The following ELAVL2 variants were observed in gnomAD, a reference collection of about 807,000 sequenced individuals.
ELAVL2 encodes ELAV like RNA binding protein 2.
In ELAVL2, 4 loss-of-function variants were observed where a neutral mutation model predicts 34.6. The observed-to-expected ratio is 0.12, with a 90% CI of 0.06 to 0.26. The LOEUF is 0.26. Ranked by LOEUF, ELAVL2 falls within the 10% of genes least tolerant of loss-of-function variation. The pLI, the probability that ELAVL2 is intolerant of heterozygous loss-of-function variation, is 1.00. For synonymous variants in ELAVL2, 193 were observed against 154.8 expected (o/e 1.25, Z -1.83); for missense variants, 432 against 442.8 (o/e 0.98, Z 0.22).
At chr9:23,815,483 C>T (rs1024117897) in intron 1 of ELAVL2, among the ~76,000 whole-genome samples, 1 of 152,018 alleles carries the variant, frequency 6.6e-6, no homozygotes, top group Non-Finnish European at 1.5e-5. Context: ...AAAACAAAAT[C>T]ACTAAAAATG....
At chr9:23,807,461 A>C (rs1334167565) in intron 1 of ELAVL2, among the ~76,000 whole-genome samples, 3 of 152,198 alleles carry the variant, frequency 2.0e-5, no homozygotes, top group Admixed American at 2.0e-4. Flanking sequence ...TTTTTTAAAA[A>C]GTATTTTTCG....
At chr9:23,824,135 C>G (rs1044009902) in intron 1 of ELAVL2, among the ~76,000 whole-genome samples, 1 of 152,170 alleles carries the variant, frequency 6.6e-6, no homozygotes, top group African/African-American at 2.4e-5. Context: ...ATAATAAAAC[C>G]AGACCTGCAG....
chr9:23,812,441 T>C (rs936055454), intron 1 of ELAVL2, among the ~76,000 whole-genome samples: 3 of 152,228 alleles, frequency 2.0e-5, no homozygotes, highest in African/African-American at 7.2e-5. Context: ...TCCACGGGAA[T>C]GACTCCCAAT....
chr9:23,697,018 C>G (rs1322379794), intron 5 of ELAVL2, among the ~76,000 whole-genome samples: 1 of 151,992 alleles, frequency 6.6e-6, no homozygotes, highest in African/African-American at 2.4e-5. Flanking sequence ...TGTGTATCAC[C>G]TGCCTCCCTG....
In ELAVL2 at chr9:23,762,043, T is replaced by C; in HGVS notation, c.192A>G (p.Glu64=). Residue 64 remains glutamate, a synonymous_variant, in exon 2 of 7, where the codon GAA becomes GAG. Coordinates refer to ENST00000397312, the MANE Select transcript of ELAVL2 (RefSeq NM_004432.5). ...CTCTTACAAGCTTACAGGACTCTAT[T>C]TCACCAATGCTCCCAAAGAGACTCT... is the stretch of plus-strand genomic sequence containing the variant. ...ELKSLFGSIG[E]IESCKLVRDK... 6.2e-7 allele frequency: 1 copy of C among 1,613,196 alleles called. No homozygotes were observed. The highest frequency in any genetic ancestry group is 8.5e-7 in the Non-Finnish European group (1 of 1,179,442).
At chr9:23,786,300 T>C (rs1018773291) in intron 1 of ELAVL2, among the ~76,000 whole-genome samples, 6 of 152,244 alleles carry the variant, frequency 3.9e-5, no homozygotes, top group East Asian at 1.9e-4. Context: ...GCAACAAAGA[T>C]CTAATTTATA....
chr9:23,771,468 A>T (rs949578237), intron 1 of ELAVL2, among the ~76,000 whole-genome samples: 2 of 151,896 alleles, frequency 1.3e-5, no homozygotes, highest in South Asian at 2.1e-4. Context: ...AACATACAAA[A>T]ATTTTGACTT....
At chr9:23,825,511 T>C (rs2065245292) in intron 1 of ELAVL2, among the ~76,000 whole-genome samples, 1 of 152,124 alleles carries the variant, frequency 6.6e-6, no homozygotes. Context: ...GAACTTCCGA[T>C]CTCAATCTTG....
chr9:23,786,935 T>C (rs2059764438), intron 1 of ELAVL2, among the ~76,000 whole-genome samples: 1 of 152,178 alleles, frequency 6.6e-6, no homozygotes, highest in Non-Finnish European at 1.5e-5. Flanking sequence ...TTGGAAGTTT[T>C]TCATGTCCAA....
chr9:23,734,258 G>C (rs962808768), intron 2 of ELAVL2, among the ~76,000 whole-genome samples: 5 of 152,056 alleles, frequency 3.3e-5, no homozygotes, highest in Admixed American at 3.3e-4. Flanking sequence ...ATATATTAAG[G>C]GTATCGCAGA....
intron 3 of ELAVL2, among the ~76,000 whole-genome samples, chr9:23,726,021 AT>A (rs1211158699): frequency 2.6e-5 from 4 of 152,112 alleles, no homozygotes; most frequent in African/African-American, 7.2e-5. Flanking sequence ...ACAGAGTAAG[AT>A]TTCAGAAATG....
chr9:23,763,848 T>G (rs2055613785), intron 1 of ELAVL2, among the ~76,000 whole-genome samples: 1 of 152,136 alleles, frequency 6.6e-6, no homozygotes, highest in Non-Finnish European at 1.5e-5. Flanking sequence ...TTCATTTCCT[T>G]GTCAAAGAAG....
At chr9:23,818,488 C>T (rs1383981846) in intron 1 of ELAVL2, among the ~76,000 whole-genome samples, 1 of 152,160 alleles carries the variant, frequency 6.6e-6, no homozygotes, top group Admixed American at 6.5e-5. Context: ...TAACCTCCCC[C>T]CACACACACT....
intron 2 of ELAVL2, among the ~76,000 whole-genome samples, chr9:23,742,216 T>C (rs951269952): frequency 6.6e-6 from 1 of 152,188 alleles, no homozygotes; most frequent in African/African-American, 2.4e-5. Flanking sequence ...AGGCAGGGCT[T>C]ACGATTTTCT....
At chr9:23,714,304 T>C (rs2041763252) in intron 3 of ELAVL2, among the ~76,000 whole-genome samples, 1 of 152,182 alleles carries the variant, frequency 6.6e-6, no homozygotes, top group South Asian at 2.1e-4. Flanking sequence ...ACAAGAACAA[T>C]GTATGCACTC....
chr9:23,704,830 A>G (rs2038770025), intron 4 of ELAVL2, 88 bp downstream of exon 4: 2 of 1,539,764 alleles, frequency 1.3e-6, no homozygotes, highest in African/African-American at 1.4e-5. Context: ...ATGTTCTAGA[A>G]GCAAGACTGC....
intron 1 of ELAVL2, among the ~76,000 whole-genome samples, chr9:23,824,013 G>A (rs1588874009): frequency 6.6e-6 from 1 of 152,256 alleles, no homozygotes; most frequent in East Asian, 1.9e-4. Flanking sequence ...TACATGAGAG[G>A]GGGAAGGGAC....
intron 1 of ELAVL2, among the ~76,000 whole-genome samples, chr9:23,776,223 C>G (rs957977128): frequency 2.0e-5 from 3 of 152,298 alleles, no homozygotes; most frequent in Non-Finnish European, 2.9e-5. Context: ...ACACACACAT[C>G]TCTTTCCGCA....
At chr9:23,799,811 C>G (rs2061374487) in intron 1 of ELAVL2, among the ~76,000 whole-genome samples, 1 of 152,104 alleles carries the variant, frequency 6.6e-6, no homozygotes. Context: ...ATTAGAAAAC[C>G]CTGAAAGGGC....
Sources: allele counts gnomAD v4.1 joint callset (sites outside exome capture counted in the v4.1 genomes callset), GRCh38; gene constraint gnomAD v4.1.1; transcripts MANE v1.5; gene names NCBI Gene and HGNC (gene_info 2026-07-23, HGNC 2026-07-21).